Variants in AGBL1 observed in about 807,000 individuals in gnomAD.
The protein encoded by AGBL1 is AGBL carboxypeptidase 1.
Under a neutral mutation model 118.9 loss-of-function variants are expected in AGBL1, and 130 were observed. That is an observed-to-expected ratio of 1.09 (90% CI 0.95 to 1.26). The LOEUF (loss-of-function observed/expected upper bound fraction) is 1.26, where lower values mean the gene tolerates loss of function less well. Among genes scored for constraint, AGBL1 ranks in the 50% most tolerant of loss-of-function variants. AGBL1 has a pLI of 0.00. For synonymous variants in AGBL1, 555 were observed against 478.9 expected, an observed-to-expected ratio of 1.16 and a Z score of -2.08; for missense variants, 1,584 against 1,298.1, an observed-to-expected ratio of 1.22 and a Z score of -3.38.
At chr15:86,721,291 C>A (rs2086716107) in intron 22 of AGBL1, among the ~76,000 whole-genome samples, 1 of 152,218 alleles carries the variant, frequency 6.6e-6, no homozygotes, top group South Asian at 2.1e-4. Flanking sequence ...CATCAAAAAG[C>A]TAATCCACCA....
chr15:86,567,428 C>T (rs1313535995), intron 21 of AGBL1, among the ~76,000 whole-genome samples: 5 of 152,030 alleles, frequency 3.3e-5, no homozygotes, highest in African/African-American at 1.2e-4. Context: ...TATGTGAAGT[C>T]CCAGAGAAGG....
chr15:86,169,431 A>G (rs1482748658), intron 5 of AGBL1, among the ~76,000 whole-genome samples: 1 of 152,214 alleles, frequency 6.6e-6, no homozygotes, highest in East Asian at 1.9e-4. Context: ...CTCATGGGAC[A>G]TTGGATAAAG....
At chr15:86,376,468 A>C (rs2141952847) in intron 17 of AGBL1, among the ~76,000 whole-genome samples, 1 of 152,350 alleles carries the variant, frequency 6.6e-6, no homozygotes, top group East Asian at 1.9e-4. Context: ...AGAGTCCAGG[A>C]GGAATTGAAA....
At chr15:86,490,302 T>C (rs938716902) in intron 18 of AGBL1, among the ~76,000 whole-genome samples, 2 of 152,100 alleles carry the variant, frequency 1.3e-5, no homozygotes, top group Admixed American at 1.3e-4. Context: ...AATTTTTCCC[T>C]GCTGGATCCA....
At chr15:86,554,604 C>A (rs118113758) in intron 21 of AGBL1, 67 bp downstream of exon 21, 2 of 1,342,798 alleles carry the variant, frequency 1.5e-6, no homozygotes, top group African/African-American at 3.0e-5. Flanking sequence ...ATAGACAGCT[C>A]GTACCTGCTT....
intron 18 of AGBL1, among the ~76,000 whole-genome samples, chr15:86,423,525 A>G (rs1387542220): frequency 6.6e-6 from 1 of 152,202 alleles, no homozygotes; most frequent in Non-Finnish European, 1.5e-5. Context: ...TAGTATTTGA[A>G]GTTCTGGCCC....
At chr15:86,346,434 C>A (rs922565650) in intron 17 of AGBL1, among the ~76,000 whole-genome samples, 3 of 151,730 alleles carry the variant, frequency 2.0e-5, no homozygotes, top group African/African-American at 7.3e-5. Context: ...GCAAGCTGTG[C>A]CTCCTGGGTT....
chr15:86,287,819 T>C (rs2079478830), intron 16 of AGBL1, among the ~76,000 whole-genome samples: 2 of 152,156 alleles, frequency 1.3e-5, no homozygotes, highest in Non-Finnish European at 2.9e-5. Flanking sequence ...ACATATTCAA[T>C]AGCATTTCAG....
At chr15:86,957,118 T>C (rs2080939107) in intron 23 of AGBL1, among the ~76,000 whole-genome samples, 1 of 152,154 alleles carries the variant, frequency 6.6e-6, no homozygotes, top group Admixed American at 6.6e-5. Context: ...ATTGTCTCCA[T>C]TCTGTGCGTG....
chr15:86,108,963 A>G (rs951121104), intron 1 of AGBL1, among the ~76,000 whole-genome samples: 3 of 152,170 alleles, frequency 2.0e-5, no homozygotes, highest in African/African-American at 7.2e-5. Flanking sequence ...TCTCAAACAA[A>G]CAAACAATCA....
At chr15:86,079,857 T>G, upstream of AGBL1, 1 of 674,378 alleles carries the variant, frequency 1.5e-6, no homozygotes, top group Non-Finnish European at 2.1e-6. Context: ...CATGTGCAGC[T>G]GAGGCCTCCG....
intron 1 of AGBL1, among the ~76,000 whole-genome samples, chr15:86,113,704 G>A (rs1897578606): frequency 6.6e-6 from 1 of 152,068 alleles, no homozygotes. Flanking sequence ...TTTCTATAAT[G>A]CCATGCCACA....
chr15:86,196,254 G>A lies in AGBL1; in HGVS notation c.489-28660G>A, dbSNP rs977774090. On this transcript the variant is annotated intron_variant, in intron 5 of 22. Coordinates refer to ENST00000614907, the MANE Select transcript of AGBL1 (RefSeq NM_001386094.1). ...AGTTCAGATGTAGGATGGACGTCAG[G>A]GTTGGTTGATTCAGTGGCTCAGTGA... 2.1e-4 allele frequency among the ~76,000 whole-genome samples: 32 copies of A among 152,098 alleles called. 1 individual carries two copies. Among genetic ancestry groups the A allele is most frequent in the Non-Finnish European group, 1.6e-4 (11 of 68,024 alleles).
At chr15:86,234,782 G>C (rs929031232) in intron 6 of AGBL1, among the ~76,000 whole-genome samples, 1 of 152,144 alleles carries the variant, frequency 6.6e-6, no homozygotes, top group African/African-American at 2.4e-5. Context: ...TGGGAGTACA[G>C]TACTGGATCT....
intron 5 of AGBL1, among the ~76,000 whole-genome samples, chr15:86,219,154 C>T (rs1056196672): frequency 6.6e-6 from 1 of 152,148 alleles, no homozygotes; most frequent in African/African-American, 2.4e-5. Flanking sequence ...TCTCCAGTGA[C>T]CTCTCCTGAC....
chr15:86,127,248 T>A (rs1423609179), intron 1 of AGBL1, among the ~76,000 whole-genome samples: 3 of 152,234 alleles, frequency 2.0e-5, no homozygotes, highest in African/African-American at 7.2e-5. Context: ...GTTGTATGAT[T>A]TACTGACTCT....
intron 17 of AGBL1, among the ~76,000 whole-genome samples, chr15:86,366,980 G>C (rs747575880): frequency 4.6e-5 from 7 of 152,100 alleles, no homozygotes; most frequent in South Asian, 2.1e-4. Flanking sequence ...CTATCTTCTG[G>C]GGGCGGGCCG....
rs1005960245 is a variant in AGBL1 at position 86,910,581 on chromosome 15, T to C, written c.*3287T>C. 3.3e-5 allele frequency: 5 copies of C among 152,210 alleles called. No homozygotes were observed. Among genetic ancestry groups the C allele is most frequent in the African/African-American group, 1.2e-4 (5 of 41,434 alleles). 9.4% of individuals were successfully genotyped at this position (152,210 alleles called of 1,614,324 possible). ...AGTAGTTTGAGGAGTGCCCCAGGTGTGATACTACTATATTTGAAGAGCAGA... is the reference window on the plus strand; with the variant it reads ...AGTAGTTTGAGGAGTGCCCCAGGTGCGATACTACTATATTTGAAGAGCAGA... On this transcript the variant is annotated 3_prime_UTR_variant, in exon 23 of 23. Transcript: ENST00000614907.
intron 23 of AGBL1, among the ~76,000 whole-genome samples, chr15:86,962,001 C>T (rs2080997830): frequency 6.6e-6 from 1 of 152,090 alleles, no homozygotes; most frequent in Admixed American, 6.6e-5. Context: ...AATCATTTCT[C>T]CCCACAAAAC....
Sources: allele counts gnomAD v4.1 joint callset (sites outside exome capture counted in the v4.1 genomes callset), GRCh38; gene constraint gnomAD v4.1.1; transcripts MANE v1.5; gene names NCBI Gene and HGNC (gene_info 2026-07-23, HGNC 2026-07-21).